Variants in GNL3 observed in about 807,000 individuals in gnomAD.
The protein encoded by GNL3 is G protein nucleolar 3, also known as guanine nucleotide-binding protein-like 3.
Under a neutral mutation model 70.6 loss-of-function variants are expected in GNL3, and 77 were observed. The observed-to-expected ratio is 1.09, with a 90% CI of 0.91 to 1.32. GNL3 has a LOEUF of 1.32. Among genes scored for constraint, GNL3 ranks in the 40% most tolerant of loss-of-function variants. The pLI is 0.00. For synonymous variants in GNL3, 252 were observed against 216.1 expected (o/e 1.17, Z -1.46); for missense variants, 634 against 644.0 (o/e 0.98, Z 0.17).
At chr3:52,689,300 T>TG in intron 6 of GNL3, 94 bp downstream of exon 6, 1 of 1,184,694 alleles carries the variant, frequency 8.4e-7, no homozygotes, top group Non-Finnish European at 1.3e-6. Flanking sequence ...GATCCAACTC[T>TG]GATCTCAGCA....
At position 52,693,375 on chromosome 3, in the gene GNL3, CCTT is replaced by C. The variant is rs781516863; in HGVS notation, c.1188-29_1188-27del. 1.4e-5 allele frequency: 22 copies of C among 1,613,924 alleles called. No individual in the cohort carries two copies. The Admixed American group carries it at 2.2e-4, about 16-fold the overall frequency. On this transcript the variant is annotated intron_variant, in intron 11 of 14. Coordinates refer to ENST00000418458, the MANE Select transcript of GNL3 (RefSeq NM_014366.5). ...GCATTTTGGTGACCACTAGAATAAA[CCTT>C]CTTTTGACACATCTTATTTTTAATA...
At chr3:52,693,378 T>C (rs1336698446) in intron 11 of GNL3, 30 bp from the exon 12 acceptor site, 18 of 1,613,892 alleles carry the variant, frequency 1.1e-5, no homozygotes, top group Middle Eastern at 1.6e-4. Context: ...GAATAAACCT[T>C]CTTTTGACAC....
chr3:52,687,566 T>C lies in GNL3; in HGVS notation c.275T>C (p.Leu92Pro). The C allele has an allele frequency of 6.2e-7, 1 of 1,612,670 alleles. No homozygotes were observed. Among genetic ancestry groups the C allele is most frequent in the Non-Finnish European group, 8.5e-7 (1 of 1,178,664 alleles). Residue 92 changes from leucine to proline, a missense_variant, in exon 4 of 15, where the codon CTT becomes CCT. Coordinates refer to ENST00000418458, the MANE Select transcript of GNL3 (RefSeq NM_014366.5). ...RQKELEKKRK[L>P]ETNPDIKPSN... ...AAGGAACTAGAAAAGAAAAGAAAAC[T>C]TGAAACTAATCCTGATATTAAGCCA...
At chr3:52,688,287 G>A in intron 5 of GNL3, 95 bp downstream of exon 5, 3 of 741,556 alleles carry the variant, frequency 4.0e-6, no homozygotes, top group Non-Finnish European at 7.2e-6. Context: ...GGGTGCATGT[G>A]CAGGTTTGTT....
At position 52,693,429 on chromosome 3, in the gene GNL3, C is replaced by T. The variant is rs750405431; in HGVS notation, c.1209C>T (p.Cys403=). 5.6e-6 allele frequency: 9 copies of T among 1,613,936 alleles called. No homozygotes were observed. Among genetic ancestry groups the T allele is most frequent in the Non-Finnish European group, 5.9e-6 (7 of 1,179,830 alleles). ...EWTGASLAYY[C]HPPTSWTPPP... Reference sequence around the variant, plus strand: ...TCAGTGCCTCATTAGCTTACTATTGCCATCCCCCTACATCTTGGACTCCTC... The same window carrying T: ...TCAGTGCCTCATTAGCTTACTATTGTCATCCCCCTACATCTTGGACTCCTC... Residue 403 remains cysteine, a synonymous_variant, in exon 12 of 15, where the codon TGC becomes TGT. Coordinates refer to ENST00000418458, the MANE Select transcript of GNL3 (RefSeq NM_014366.5).
rs2097315187 is a variant in GNL3 at position 52,686,833 on chromosome 3, T to C, written c.72+6T>C. ...GGTATAAAATCCAAAAAAAGGTAAG[T>C]GTAGTGCTTGAGAGAGCTGTACCAA... is the stretch of plus-strand genomic sequence containing the variant. On this transcript the variant is annotated splice_donor_region_variant and intron_variant, in intron 2 of 14. Transcript: ENST00000418458. The C allele has an allele frequency of 1.9e-6, 3 of 1,600,500 alleles. No individual in the cohort carries two copies. Among genetic ancestry groups the C allele is most frequent in the Non-Finnish European group, 2.6e-6 (3 of 1,167,682 alleles).
In GNL3 at chr3:52,688,111, G is replaced by T. The variant is rs1350783100; in HGVS notation, c.327G>T (p.Glu109Asp). The change falls in exon 5 of 15, where the codon GAG becomes GAT. Residue 109 changes from glutamate (E) to aspartate (D), a missense_variant and splice_region_variant. Glu to Asp is a conservative substitution (Grantham distance 45). Transcript: ENST00000418458. ...TTATTTCCCCCTTTATCCTCTAGGAGTTTGGGCTTTGCAAAACTGAGAACA... is the reference window on the plus strand; with the variant it reads ...TTATTTCCCCCTTTATCCTCTAGGATTTTGGGCTTTGCAAAACTGAGAACA... The part of the protein sequence containing the change: ...KPSNVEPMEK[E>D]FGLCKTENKA... 1.3e-6 allele frequency: 2 copies of T among 1,589,350 alleles called. No homozygotes were observed. Among genetic ancestry groups the T allele is most frequent in the South Asian group, 1.1e-5 (1 of 90,566 alleles).
chr3:52,691,503 A>G (rs375109036), intron 8 of GNL3, 39 bp from the exon 9 acceptor site: 9 of 1,188,784 alleles, frequency 7.6e-6, no homozygotes, highest in Middle Eastern at 1.9e-4. Flanking sequence ...GTGCCAACAT[A>G]TAATGCTTTT....
chr3:52,692,629 A>G, intron 9 of GNL3: 1 of 604,082 alleles, frequency 1.7e-6, no homozygotes, highest in Non-Finnish European at 3.1e-6. Context: ...AAGGTGGCAT[A>G]TTTATAGCAA....
upstream of GNL3, chr3:52,685,956 C>A: frequency 1.4e-6 from 1 of 736,014 alleles, no homozygotes; most frequent in Non-Finnish European, 2.5e-6. Flanking sequence ...CGCGACACTG[C>A]GTGCCCGCGC....
chr3:52,688,314 G>A (rs908681106), intron 5 of GNL3, 122 bp downstream of exon 5: 22 of 636,594 alleles, frequency 3.5e-5, no homozygotes, highest in African/African-American at 9.1e-5. Flanking sequence ...GTAAACTTGC[G>A]TCATAGGGGT....
At chr3:52,693,875 A>G in intron 13 of GNL3, 68 bp downstream of exon 13, 1 of 1,415,684 alleles carries the variant, frequency 7.1e-7, no homozygotes, top group Non-Finnish European at 9.9e-7. Context: ...AATGGAAGGA[A>G]CTGAAGATAG....
Position 52,690,635 on chromosome 3 carries a change from G to A in GNL3, c.585G>A (p.Leu195=). Residue 195 remains leucine, a synonymous_variant, in exon 7 of 15, where the codon TTG becomes TTA. Coordinates refer to ENST00000418458, the MANE Select transcript of GNL3 (RefSeq NM_014366.5). The part of the protein sequence containing the change: ...KENLESWLNY[L]KKELPTVVFR... ...ATTTGGAGAGCTGGCTAAATTATTT[G>A]AAGAAAGAATTGCCAACAGTGGTGT... The A allele has an allele frequency of 6.2e-7, 1 of 1,611,390 alleles. No individual in the cohort carries two copies. Among genetic ancestry groups the A allele is most frequent in the Non-Finnish European group, 8.5e-7 (1 of 1,177,548 alleles).
intron 9 of GNL3, among the ~76,000 whole-genome samples, chr3:52,692,312 T>C (rs1379743881): frequency 1.3e-5 from 2 of 151,798 alleles, no homozygotes; most frequent in East Asian, 3.8e-4. Context: ...CCTCACAAAG[T>C]GTTGGGATTA....
rs1250207732 is a variant in GNL3 at position 52,694,188 on chromosome 3, T to C, written c.1568-5T>C. On this transcript the variant is annotated splice_region_variant and splice_polypyrimidine_tract_variant and intron_variant, in intron 14 of 14. Coordinates refer to ENST00000418458, the MANE Select transcript of GNL3 (RefSeq NM_014366.5). ...TGAAAATCTCTTTATTTTCCTGCAA[T>C]ATAGGTGAACAGTCTACAAGGTCTT... 1.2e-6 allele frequency: 2 copies of C among 1,601,276 alleles called. No individual in the cohort carries two copies. The highest frequency in any genetic ancestry group is 1.3e-5 in the African/African-American group (1 of 74,646).
In GNL3 at chr3:52,694,224, T is replaced by C. The variant is rs1470569555; in HGVS notation, c.1599T>C (p.Asp533=). The part of the protein sequence containing the change: ...GEQSTRSFIL[D]KIIEEDDAYD... ...AGTCTACAAGGTCTTTTATCTTGGA[T>C]AAAATCATTGAAGAGGATGATGCTT... The change falls in exon 15 of 15, where the codon GAT becomes GAC. Residue 533 remains aspartate, a synonymous_variant. Transcript: ENST00000418458. 7 of 1,596,208 alleles carry C rather than the reference T, an allele frequency of 4.4e-6. No individual in the cohort carries two copies. The highest frequency in any genetic ancestry group is 5.2e-6 in the Non-Finnish European group (6 of 1,164,916).
Position 52,688,093 on chromosome 3 carries a change from C to G in GNL3, c.325-16C>G. The G allele has an allele frequency of 6.7e-7, 1 of 1,486,814 alleles. No homozygotes were observed. The highest frequency in any genetic ancestry group is 9.4e-7 in the Non-Finnish European group (1 of 1,064,374). The allele number at this position is 1,486,814 out of a possible 1,614,324, so 92.1% of individuals were successfully genotyped here. Reference sequence around the variant, plus strand: ...TCTACTTCTAATTTTGTGTTATTTCCCCCTTTATCCTCTAGGAGTTTGGGC... The same window carrying G: ...TCTACTTCTAATTTTGTGTTATTTCGCCCTTTATCCTCTAGGAGTTTGGGC... On this transcript the variant is annotated splice_polypyrimidine_tract_variant and intron_variant, in intron 4 of 14. Transcript: ENST00000418458.
Position 52,693,651 on chromosome 3 carries a change from GGCCAATA to G in GNL3, c.1347_1353del (p.Asn450SerfsTer8), listed in dbSNP as rs2097329677. ...TCCCAGCCATCAAGGGCCCTCATTT[GGCCAATA>G]GCATCCTTTTCCAGTCTTCCGGTCT... On this transcript the variant is annotated frameshift_variant, in exon 13 of 15. Transcript: ENST00000418458. LOFTEE classifies it high-confidence loss of function. 9.3e-6 allele frequency: 15 copies of G among 1,614,024 alleles called. No homozygotes were observed. The highest frequency in any genetic ancestry group is 1.3e-5 in the Non-Finnish European group (15 of 1,179,992).
intron 2 of GNL3, 30 bp from the exon 3 acceptor site, chr3:52,687,216 T>A: frequency 6.3e-7 from 1 of 1,577,200 alleles, no homozygotes; most frequent in Non-Finnish European, 8.7e-7. Context: ...GATATTTTTG[T>A]AAGCAGACAA....
Sources: gnomAD v4.1 joint callset for allele counts (sites outside exome capture counted in the v4.1 genomes callset) on GRCh38, gnomAD v4.1.1 for gene constraint, MANE v1.5 for transcripts, NCBI Gene and HGNC (gene_info 2026-07-23, HGNC 2026-07-21) for gene names.